The following SAMD4A variants were observed in gnomAD, a reference collection of about 807,000 sequenced individuals.
SAMD4A encodes the protein protein Smaug homolog 1.
In SAMD4A, 33 loss-of-function variants were observed where a neutral mutation model predicts 81.3. The observed-to-expected ratio is 0.41, with a 90% CI of 0.31 to 0.54. SAMD4A has a LOEUF of 0.54. Among genes scored for constraint, SAMD4A ranks in the 20% least tolerant of loss-of-function variants. The pLI is 0.37. For synonymous variants in SAMD4A, 389 were observed against 382.1 expected (o/e 1.02, Z -0.21); for missense variants, 854 against 951.1 (o/e 0.90, Z 1.34).
At chr14:54,606,206 T>TGTGTGC (rs1261255513) in intron 2 of SAMD4A, among the ~76,000 whole-genome samples, 3 of 151,440 alleles carry the variant, frequency 2.0e-5, no homozygotes, top group Non-Finnish European at 4.4e-5. Context: ...TGTGTGTGTG[T>TGTGTGC]GTGTGTGCGT....
At chr14:54,780,934 G>A (rs905739228) in intron 11 of SAMD4A, among the ~76,000 whole-genome samples, 1 of 151,828 alleles carries the variant, frequency 6.6e-6, no homozygotes, top group African/African-American at 2.4e-5. Flanking sequence ...TTCCCTGCCT[G>A]TGCCGTTTCT....
intron 2 of SAMD4A, among the ~76,000 whole-genome samples, chr14:54,664,472 A>G (rs1045520843): frequency 2.6e-4 from 39 of 152,210 alleles, no homozygotes; most frequent in Non-Finnish European, 4.6e-4. Flanking sequence ...GAGCGCGCAG[A>G]CACACATCGC....
chr14:54,783,157 T>TAAAA (rs368455274), intron 11 of SAMD4A, among the ~76,000 whole-genome samples: 1 of 140,516 alleles, frequency 7.1e-6, no homozygotes, highest in Non-Finnish European at 1.5e-5. Flanking sequence ...CACAAAACTT[T>TAAAA]AAAAAAAAAA....
intron 2 of SAMD4A, among the ~76,000 whole-genome samples, chr14:54,673,302 C>T (rs757391314): frequency 6.6e-5 from 10 of 152,176 alleles, no homozygotes; most frequent in Non-Finnish European, 1.3e-4. Flanking sequence ...GCCTAAAGGG[C>T]CTGTTTAATA....
chr14:54,638,246 G>A (rs2035083570), intron 2 of SAMD4A, among the ~76,000 whole-genome samples: 4 of 152,312 alleles, frequency 2.6e-5, no homozygotes, highest in Middle Eastern at 3.4e-3. Flanking sequence ...GGGACTGCAC[G>A]GGGGAGCCGC....
chr14:54,661,084 C>T (rs528579947), intron 2 of SAMD4A, among the ~76,000 whole-genome samples: 7 of 152,270 alleles, frequency 4.6e-5, no homozygotes, highest in South Asian at 2.1e-4. Flanking sequence ...TTCTTGACCT[C>T]GGGCAAATCA....
chr14:54,635,618 C>T (rs563715539), intron 2 of SAMD4A, among the ~76,000 whole-genome samples: 1 of 148,690 alleles, frequency 6.7e-6, no homozygotes, highest in South Asian at 2.1e-4. Context: ...TGTGGTGGCT[C>T]ATACCTGTAA....
intron 7 of SAMD4A, among the ~76,000 whole-genome samples, chr14:54,762,523 C>T (rs185963085): frequency 4.6e-5 from 7 of 152,316 alleles, no homozygotes; most frequent in Admixed American, 4.6e-4. Context: ...CACCCCTTAG[C>T]TGTGTTGGAT....
intron 3 of SAMD4A, among the ~76,000 whole-genome samples, chr14:54,708,055 G>C (rs974777026): frequency 1.4e-4 from 22 of 152,318 alleles, no homozygotes; most frequent in African/African-American, 4.3e-4. Context: ...TTTGGCTGCT[G>C]TCTTAAGAAT....
chr14:54,676,500 C>G (rs1457164369), intron 2 of SAMD4A, among the ~76,000 whole-genome samples: 1 of 152,172 alleles, frequency 6.6e-6, no homozygotes, highest in African/African-American at 2.4e-5. Context: ...CCTCAGTCTC[C>G]TGAGTAGCTG....
chr14:54,669,414 A>G (rs2035824933), intron 2 of SAMD4A, among the ~76,000 whole-genome samples: 1 of 148,860 alleles, frequency 6.7e-6, no homozygotes, highest in Admixed American at 6.7e-5. Context: ...ATATTTAAGG[A>G]GAGCTTTATT....
intron 2 of SAMD4A, among the ~76,000 whole-genome samples, chr14:54,568,474 T>A (rs2033017680): frequency 6.6e-6 from 1 of 151,562 alleles, no homozygotes; most frequent in African/African-American, 2.4e-5. Context: ...TCCTTCCTCC[T>A]CCTTCTTTTG....
At chr14:54,590,582 G>A (rs1234924878) in intron 2 of SAMD4A, among the ~76,000 whole-genome samples, 1 of 152,174 alleles carries the variant, frequency 6.6e-6, no homozygotes. Flanking sequence ...TCTCTTTCCT[G>A]AGTGTCTTTG....
chr14:54,670,204 G>A (rs1351911538), intron 2 of SAMD4A, among the ~76,000 whole-genome samples: 2 of 152,092 alleles, frequency 1.3e-5, no homozygotes, highest in African/African-American at 2.4e-5. Flanking sequence ...CCACCCTCTT[G>A]TAAATCTCTT....
intron 2 of SAMD4A, among the ~76,000 whole-genome samples, chr14:54,647,838 G>A (rs1200810134): frequency 6.6e-6 from 1 of 152,238 alleles, no homozygotes; most frequent in Non-Finnish European, 1.5e-5. Flanking sequence ...TTTGCCAGAG[G>A]GGATAGGTTC....
chr14:54,674,256 G>A (rs2035943837), intron 2 of SAMD4A, among the ~76,000 whole-genome samples: 1 of 152,248 alleles, frequency 6.6e-6, no homozygotes, highest in South Asian at 2.1e-4. Flanking sequence ...ATACTGCCAA[G>A]TAAGTTTATT....
intron 2 of SAMD4A, among the ~76,000 whole-genome samples, chr14:54,602,323 TACACACACACACACACACACACACAC>T (rs3049830): frequency 2.9e-4 from 40 of 136,600 alleles, no homozygotes; most frequent in African/African-American, 6.2e-4. Context: ...TGCTTTAAAA[TACACACACACACACACACACACACAC>T]ACACACACAC....
At chr14:54,665,997 A>G (rs1225713341) in intron 2 of SAMD4A, among the ~76,000 whole-genome samples, 2 of 152,186 alleles carry the variant, frequency 1.3e-5, no homozygotes, top group Non-Finnish European at 2.9e-5. Flanking sequence ...TTAAGAGACA[A>G]ATTGCTTCTA....
intron 2 of SAMD4A, among the ~76,000 whole-genome samples, chr14:54,598,293 C>A (rs1446661349): frequency 6.6e-6 from 1 of 152,178 alleles, no homozygotes; most frequent in Non-Finnish European, 1.5e-5. Context: ...TCCCATATTG[C>A]CCTGGCCTTC....
Sources: gnomAD v4.1 joint callset for allele counts (sites outside exome capture counted in the v4.1 genomes callset) on GRCh38, gnomAD v4.1.1 for gene constraint, MANE v1.5 for transcripts, NCBI Gene and HGNC (gene_info 2026-07-23, HGNC 2026-07-21) for gene names.